The following EPHA4 variants were observed in gnomAD, a reference collection of about 807,000 sequenced individuals.
The protein encoded by EPHA4 is ephrin type-A receptor 4.
In EPHA4, 19 loss-of-function variants were observed where a neutral mutation model predicts 108.3. The observed-to-expected ratio is 0.18, with a 90% CI of 0.12 to 0.26. The LOEUF is 0.26. Among genes scored for constraint, EPHA4 ranks in the 10% least tolerant of loss-of-function variants. The pLI, the probability that EPHA4 is intolerant of heterozygous loss-of-function variation, is 1.00. For missense variants in EPHA4, 917 were observed against 1,254.0 expected (o/e 0.73, Z 4.06); for synonymous variants, 449 against 455.5 (o/e 0.99, Z 0.18).
At chr2:221,465,392 C>G (rs1402910509) in intron 5 of EPHA4, among the ~76,000 whole-genome samples, 1 of 152,078 alleles carries the variant, frequency 6.6e-6, no homozygotes, top group Non-Finnish European at 1.5e-5. Flanking sequence ...TTCAACAAAT[C>G]CTTTACAGAG....
At chr2:221,525,549 TCAGA>T (rs1693298982) in intron 3 of EPHA4, among the ~76,000 whole-genome samples, 4 of 152,272 alleles carry the variant, frequency 2.6e-5, no homozygotes, top group Middle Eastern at 3.4e-3. Flanking sequence ...GGCTCGACAG[TCAGA>T]CAAACACATT....
chr2:221,531,337 T>A (rs1341880273), intron 3 of EPHA4, among the ~76,000 whole-genome samples: 1 of 152,116 alleles, frequency 6.6e-6, no homozygotes, highest in Non-Finnish European at 1.5e-5. Flanking sequence ...GCATTAGGAC[T>A]TGCTTCTGCT....
chr2:221,557,368 C>T (rs1270089673), intron 3 of EPHA4, among the ~76,000 whole-genome samples: 1 of 152,070 alleles, frequency 6.6e-6, no homozygotes, highest in East Asian at 1.9e-4. Context: ...CCCATATTGT[C>T]ACCATATTTC....
At position 221,425,797 on chromosome 2, in the gene EPHA4, A is replaced by G; in HGVS notation, c.*231T>C. The G allele has an allele frequency of 1.9e-6, 1 of 520,004 alleles. No individual in the cohort carries two copies. Among genetic ancestry groups the G allele is most frequent in the South Asian group, 2.5e-5 (1 of 39,886 alleles). 32.2% of individuals were successfully genotyped at this position (520,004 alleles called of 1,614,324 possible). A position where few individuals can be genotyped will look rare whatever the true frequency, so the allele number is the denominator to read the frequency against. On this transcript the variant is annotated 3_prime_UTR_variant, in exon 17 of 18. Transcript: ENST00000281821. ...ACAGACTGGTGATGAACAGAAAAGT[A>G]CTTCTGAGAAACGATTTGTTCCAGG... is the stretch of plus-strand genomic sequence containing the variant.
intron 3 of EPHA4, among the ~76,000 whole-genome samples, chr2:221,553,556 T>C (rs546871018): frequency 2.6e-5 from 4 of 152,198 alleles, no homozygotes; most frequent in South Asian, 2.1e-4. Context: ...TCTGGAGCCC[T>C]GGGAGAACAT....
intron 4 of EPHA4, among the ~76,000 whole-genome samples, chr2:221,485,888 A>G (rs1691960546): frequency 6.6e-6 from 1 of 152,122 alleles, no homozygotes; most frequent in Non-Finnish European, 1.5e-5. Flanking sequence ...TTGGTAAACA[A>G]TTACCTACAG....
intron 5 of EPHA4, among the ~76,000 whole-genome samples, chr2:221,465,249 T>G (rs1346845572): frequency 6.6e-6 from 1 of 152,186 alleles, no homozygotes; most frequent in Admixed American, 6.5e-5. Flanking sequence ...GAGTAAGACT[T>G]TGCAAAGTCT....
intron 3 of EPHA4, among the ~76,000 whole-genome samples, chr2:221,543,772 A>C (rs1206352755): frequency 1.3e-5 from 2 of 152,240 alleles, no homozygotes; most frequent in Non-Finnish European, 2.9e-5. Flanking sequence ...AGGGCTTAGA[A>C]GGATAAAGTG....
intron 4 of EPHA4, among the ~76,000 whole-genome samples, chr2:221,499,764 T>A (rs1430897353): frequency 3.7e-4 from 45 of 122,228 alleles, no homozygotes; most frequent in African/African-American, 1.4e-3. Flanking sequence ...ATATTTTTTT[T>A]TTTTTTTTTT....
chr2:221,483,535 T>TGTGTGTGA lies in EPHA4; in HGVS notation c.980-846_980-845insTCACACAC, dbSNP rs574575643. 7.7e-3 allele frequency among the ~76,000 whole-genome samples: 1,160 copies of TGTGTGTGA among 150,270 alleles called. 18 individuals are homozygous for TGTGTGTGA. Among genetic ancestry groups the TGTGTGTGA allele is most frequent in the South Asian group, 0.034 (159 of 4,680 alleles). On this transcript the variant is annotated intron_variant, in intron 4 of 17. Coordinates refer to ENST00000281821, the MANE Select transcript of EPHA4 (RefSeq NM_004438.5). ...GTGTGTGTGTGTGTGTGTGTGTGTGTGATGGAGTCTCGCTCTGTCACCCAG... is the reference window on the plus strand; with the variant it reads ...GTGTGTGTGTGTGTGTGTGTGTGTGTGTGTGTGAGATGGAGTCTCGCTCTGTCACCCAG...
intron 6 of EPHA4, among the ~76,000 whole-genome samples, chr2:221,457,210 C>G (rs893273341): frequency 6.6e-6 from 1 of 152,084 alleles, no homozygotes; most frequent in Admixed American, 6.6e-5. Flanking sequence ...AATAAGGAAG[C>G]CAATAAGTGA....
chr2:221,527,089 A>G (rs1299755792), intron 3 of EPHA4, among the ~76,000 whole-genome samples: 3 of 152,058 alleles, frequency 2.0e-5, no homozygotes, highest in African/African-American at 7.2e-5. Context: ...GCGCCACTGC[A>G]CTCCATCCTG....
At chr2:221,430,235 T>C in intron 14 of EPHA4, 84 bp from the exon 15 acceptor site, 2 of 1,385,248 alleles carry the variant, frequency 1.4e-6, no homozygotes, top group East Asian at 2.3e-5. Flanking sequence ...ATGTTTCTTG[T>C]GCATGAAGCT....
At chr2:221,530,246 T>C (rs1220596121) in intron 3 of EPHA4, among the ~76,000 whole-genome samples, 1 of 152,128 alleles carries the variant, frequency 6.6e-6, no homozygotes, top group African/African-American at 2.4e-5. Flanking sequence ...ATTGTACATG[T>C]CTCAGCAAGT....
chr2:221,556,590 T>C (rs1296729914), intron 3 of EPHA4, among the ~76,000 whole-genome samples: 3 of 151,142 alleles, frequency 2.0e-5, no homozygotes, highest in Admixed American at 6.6e-5. Context: ...CGTGAGCCAC[T>C]GCGCCCAGTC....
intron 3 of EPHA4, among the ~76,000 whole-genome samples, chr2:221,531,301 A>G (rs1693505427): frequency 6.6e-6 from 1 of 152,124 alleles, no homozygotes; most frequent in South Asian, 2.1e-4. Flanking sequence ...CCTCTGAAAT[A>G]CTGATTATAT....
At chr2:221,519,624 C>T (rs965922366) in intron 3 of EPHA4, among the ~76,000 whole-genome samples, 4 of 152,164 alleles carry the variant, frequency 2.6e-5, no homozygotes, top group Admixed American at 1.3e-4. Context: ...TGGCAAAAAC[C>T]GCAATTACCT....
rs1035793740 is a variant in EPHA4 at position 221,500,877 on chromosome 2, T to A, written c.979+140A>T. 1.3e-5 allele frequency: 13 copies of A among 1,014,910 alleles called. No individual in the cohort carries two copies. In the African/African-American group the frequency reaches 2.1e-4, roughly 17 times the overall value. 62.9% of individuals were successfully genotyped at this position (1,014,910 alleles called of 1,614,324 possible). ...CCTTTCTTTTTACAAGCATTTCCCCTGCTATGATTGAGAAAGGATGAATGT... is the reference window on the plus strand; with the variant it reads ...CCTTTCTTTTTACAAGCATTTCCCCAGCTATGATTGAGAAAGGATGAATGT... On this transcript the variant is annotated intron_variant, in intron 4 of 17. Coordinates refer to ENST00000281821, the MANE Select transcript of EPHA4 (RefSeq NM_004438.5).
intron 4 of EPHA4, among the ~76,000 whole-genome samples, chr2:221,489,213 T>G (rs1692068795): frequency 6.6e-6 from 1 of 152,194 alleles, no homozygotes; most frequent in Admixed American, 6.5e-5. Context: ...CAACTGAAAC[T>G]TCAGTAAAAG....
Sources: gnomAD v4.1 joint callset for allele counts (sites outside exome capture counted in the v4.1 genomes callset) on GRCh38, gnomAD v4.1.1 for gene constraint, MANE v1.5 for transcripts, NCBI Gene and HGNC (gene_info 2026-07-23, HGNC 2026-07-21) for gene names.